The following PPP6R1 variants were observed in gnomAD, a reference collection of about 807,000 sequenced individuals.
The protein encoded by PPP6R1 is protein phosphatase 6 regulatory subunit 1.
In PPP6R1, 39 loss-of-function variants were observed where a neutral mutation model predicts 104.6. That is an observed-to-expected ratio of 0.37 (90% CI 0.29 to 0.49). The LOEUF (loss-of-function observed/expected upper bound fraction) is 0.49. Ranked by LOEUF, PPP6R1 falls within the 20% of genes least tolerant of loss-of-function variation. The pLI is 0.98. For synonymous variants in PPP6R1, 549 were observed against 479.0 expected, an observed-to-expected ratio of 1.15 and a Z score of -1.91; for missense variants, 1,181 against 1,155.8, an observed-to-expected ratio of 1.02 and a Z score of -0.32.
intron 15 of PPP6R1, 171 bp downstream of exon 15, chr19:55,239,234 C>T (rs985108986): frequency 1.6e-5 from 10 of 636,476 alleles, no homozygotes; most frequent in South Asian, 3.7e-5. Flanking sequence ...GGCAGACACA[C>T]GAGGCTGCAG....
At chr19:55,243,140 C>T (rs1044214338) in intron 5 of PPP6R1, among the ~76,000 whole-genome samples, 34 of 152,030 alleles carry the variant, frequency 2.2e-4, no homozygotes, top group African/African-American at 6.5e-4. Flanking sequence ...TGGGGCCGGG[C>T]GCGGTGGCTC....
intron 17 of PPP6R1, among the ~76,000 whole-genome samples, chr19:55,235,034 A>G (rs183249926): frequency 1.3e-5 from 2 of 152,254 alleles, no homozygotes; most frequent in Admixed American, 1.3e-4. Flanking sequence ...ATCTGTATGT[A>G]CACTTGTCTA....
At chr19:55,242,034 G>C (rs1293549257) in intron 7 of PPP6R1, 132 bp downstream of exon 7, 2 of 818,220 alleles carry the variant, frequency 2.4e-6, no homozygotes, top group African/African-American at 3.4e-5. Flanking sequence ...ACTGTGCAGG[G>C]AGCACAGGCA....
At chr19:55,251,121 C>G (rs930661885) in intron 1 of PPP6R1, among the ~76,000 whole-genome samples, 11 of 152,178 alleles carry the variant, frequency 7.2e-5, no homozygotes, top group Admixed American at 2.0e-4. Context: ...CTCAAGCAGC[C>G]CCCAGCCCCG....
rs770744433 is a variant in PPP6R1 at position 55,245,464 on chromosome 19, G to A, written c.414+28C>T. ...GCCCAGCCACCACCCCTCAACCCACGGTGGCGCCAGGGTGGGGGCCAGGGC... is the reference window on the plus strand; with the variant it reads ...GCCCAGCCACCACCCCTCAACCCACAGTGGCGCCAGGGTGGGGGCCAGGGC... On this transcript the variant is annotated intron_variant, in intron 3 of 23. Transcript: ENST00000412770. This position sits in a 1 kb window ranked among gnomAD's most constrained non-coding sequence, Gnocchi z 6.4. 3.2e-5 allele frequency: 52 copies of A among 1,610,240 alleles called. No homozygotes were observed. The highest frequency in any genetic ancestry group is 1.1e-4 in the African/African-American group (8 of 74,892).
intron 22 of PPP6R1, 41 bp from the exon 23 acceptor site, chr19:55,230,725 C>G: frequency 6.7e-7 from 1 of 1,501,082 alleles, no homozygotes. Flanking sequence ...TCACTTCCTG[C>G]CCCACCAGCC....
Position 55,245,806 on chromosome 19 carries a change from G to C in PPP6R1, c.228-128C>G. The stretch of plus-strand genomic sequence containing the variant: ...AACTGCAGAGACCCCTGTCCAGGAA[G>C]GGGAAAGGGCAGAGGACAGGGTGAC... On this transcript the variant is annotated intron_variant, in intron 2 of 23. Transcript: ENST00000412770. This position sits in a 1 kb window ranked among gnomAD's most constrained non-coding sequence, Gnocchi z 6.4. 3 of 782,414 alleles carry C rather than the reference G, an allele frequency of 3.8e-6. 1 individual carries two copies. The highest frequency in any genetic ancestry group is 7.5e-4 in the Middle Eastern group (2 of 2,660). The allele number at this position is 782,414 out of a possible 1,614,324, so 48.5% of individuals were successfully genotyped here.
In PPP6R1 at chr19:55,230,034, A is replaced by C; in HGVS notation, c.*494T>G. On this transcript the variant is annotated 3_prime_UTR_variant, in exon 24 of 24. Coordinates refer to ENST00000412770, the MANE Select transcript of PPP6R1 (RefSeq NM_014931.4). ...CCACTCGGGACCCTCTGGCACCCCC[A>C]CCCACGCTGGGCCGTCCCCCATGGT... 6.4e-6 allele frequency: 1 copy of C among 155,652 alleles called. No individual in the cohort carries two copies. Among genetic ancestry groups the C allele is most frequent in the Admixed American group, 6.3e-5 (1 of 15,814 alleles). The allele number at this position is 155,652 out of a possible 1,614,324, so 9.6% of individuals were successfully genotyped here.
At chr19:55,239,960 C>T (rs753668947) in intron 12 of PPP6R1, 39 bp downstream of exon 12, 6 of 1,611,622 alleles carry the variant, frequency 3.7e-6, no homozygotes, top group Non-Finnish European at 2.5e-6. Flanking sequence ...GGGCTTCAAG[C>T]CCCCCACCTA....
At chr19:55,247,458 G>A (rs1048379218) in intron 1 of PPP6R1, 3 of 287,430 alleles carry the variant, frequency 1.0e-5, no homozygotes, top group African/African-American at 2.2e-5. Context: ...CCATGTGCAG[G>A]GCCTGCGAGA....
chr19:55,231,304 A>G (rs1333079928), intron 21 of PPP6R1, 106 bp downstream of exon 21: 1 of 1,347,060 alleles, frequency 7.4e-7, no homozygotes, highest in African/African-American at 1.5e-5. Flanking sequence ...GGGGTCCTGC[A>G]AAGGAGGCCT....
At chr19:55,249,904 C>T (rs971268228) in intron 1 of PPP6R1, among the ~76,000 whole-genome samples, 4 of 152,156 alleles carry the variant, frequency 2.6e-5, no homozygotes, top group Non-Finnish European at 4.4e-5. Context: ...GTGATGTGCA[C>T]TCCACCAAGC....
chr19:55,241,223 G>T lies in PPP6R1; in HGVS notation c.1161+16C>A. On this transcript the variant is annotated intron_variant, in intron 9 of 23. Coordinates refer to ENST00000412770, the MANE Select transcript of PPP6R1 (RefSeq NM_014931.4). This position sits in a 1 kb window ranked among gnomAD's most constrained non-coding sequence, Gnocchi z 5.4. ...GCCCCAGCCCCTGAACCCCCAGCCC[G>T]GTCCAGTCCCCGCACCAGCATGGTG... The T allele has an allele frequency of 9.8e-7, 1 of 1,024,178 alleles. No homozygotes were observed. The highest frequency in any genetic ancestry group is 1.3e-6 in the Non-Finnish European group (1 of 768,702). 63.4% of individuals were successfully genotyped at this position (1,024,178 alleles called of 1,614,324 possible).
Position 55,239,378 on chromosome 19 carries a change from C to A in PPP6R1, c.1751+27G>T, listed in dbSNP as rs368227142. 4.7e-5 allele frequency: 75 copies of A among 1,592,420 alleles called. No homozygotes were observed. The African/African-American group carries it at 9.0e-4, about 19-fold the overall frequency. ...CTGCTGCTGCAGAGGCAGGACAGGG[C>A]TGTGACCCTGCGCAGGAGACACTCA... On this transcript the variant is annotated intron_variant, in intron 15 of 23. Coordinates refer to ENST00000412770, the MANE Select transcript of PPP6R1 (RefSeq NM_014931.4).
chr19:55,239,629 CCTT>C lies in PPP6R1; in HGVS notation c.1615_1617del (p.Lys539del). On this transcript the variant is annotated inframe_deletion, in exon 14 of 24. Coordinates refer to ENST00000412770, the MANE Select transcript of PPP6R1 (RefSeq NM_014931.4). ...ACAGCCTCCTCAGGGAAGTTGAACT[CCTT>C]GAGCCGGTCGTCCTCATCGTCACTG... 6.2e-7 allele frequency: 1 copy of C among 1,612,148 alleles called. No individual in the cohort carries two copies. Among genetic ancestry groups the C allele is most frequent in the South Asian group, 1.1e-5 (1 of 90,670 alleles).
At chr19:55,240,829 C>G in intron 10 of PPP6R1, 116 bp downstream of exon 10, 2 of 1,413,868 alleles carry the variant, frequency 1.4e-6, no homozygotes, top group Non-Finnish European at 1.9e-6. Context: ...GGCGCTGGCA[C>G]CTAACACTAC....
At chr19:55,247,177 AC>A in intron 1 of PPP6R1, 68 bp from the exon 2 acceptor site, 1 of 1,503,358 alleles carries the variant, frequency 6.7e-7, no homozygotes, top group Non-Finnish European at 9.1e-7. Flanking sequence ...CGAGGCACTG[AC>A]CACAGGGGCT....
At chr19:55,231,715 T>C (rs2087349158) in intron 19 of PPP6R1, 47 bp from the exon 20 acceptor site, 2 of 1,534,324 alleles carry the variant, frequency 1.3e-6, no homozygotes, top group African/African-American at 2.7e-5. Flanking sequence ...GGGTTAGCAC[T>C]CGAGCCTATG....
At position 55,247,052 on chromosome 19, in the gene PPP6R1, C is replaced by T; in HGVS notation, c.52G>A (p.Glu18Lys). 6.2e-7 allele frequency: 1 copy of T among 1,613,834 alleles called. No individual in the cohort carries two copies. Reference protein sequence around the residue: ...HTSSHLDTLLEREDLSLPELL... With the variant: ...HTSSHLDTLLKREDLSLPELL... ...TCGGGCAGGCTCAGGTCCTCCCGCT[C>T]CAGCAGCGTGTCCAGGTGCGAGCTT... Residue 18 changes from glutamate to lysine, a missense_variant, in exon 2 of 24, where the codon GAG (glutamate) becomes AAG (lysine). Around this residue, in one of 2 missense-constraint regions of PPP6R1, gnomAD observed 139 missense variants for 200.1 expected, o/e 0.69. Coordinates refer to ENST00000412770, the MANE Select transcript of PPP6R1 (RefSeq NM_014931.4).
Sources: gnomAD v4.1 joint callset for allele counts (sites outside exome capture counted in the v4.1 genomes callset) on GRCh38, gnomAD v4.1.1 for gene constraint, gnomAD v4.1.1 regional missense constraint, Gnocchi (gnomAD v3.1) non-coding constraint, MANE v1.5 for transcripts, NCBI Gene and HGNC (gene_info 2026-07-23, HGNC 2026-07-21) for gene names.